The following NCF1 variants were observed in gnomAD, a reference collection of about 807,000 sequenced individuals.
NCF1 encodes the protein neutrophil cytosol factor 1.
A neutral mutation model predicts 34.9 loss-of-function variants in NCF1; 8 were observed. The ratio of observed to expected loss-of-function variants is 0.23; its 90% CI spans 0.13 to 0.41. The LOEUF (loss-of-function observed/expected upper bound fraction) is 0.41. NCF1 is among the 10% of genes least tolerant of loss of function. The pLI is 1.00. For missense variants in NCF1, 122 were observed against 362.4 expected (o/e 0.34, Z 5.39); for synonymous variants, 57 against 146.3 (o/e 0.39, Z 4.41).
In NCF1 at chr7:74,785,684, A is replaced by G. The variant is rs1248433623; in HGVS notation, c.800+385A>G. ...GATCATGTGAGGTCAGGAGTTCGAG[A>G]CCACCCTGGCCAACATGGCAAAACC... On this transcript the variant is annotated intron_variant, in intron 8 of 10. Coordinates refer to ENST00000289473, the MANE Select transcript of NCF1 (RefSeq NM_000265.7). 1.8e-5 allele frequency: 6 copies of G among 341,490 alleles called. No homozygotes were observed. The East Asian group carries it at 4.6e-4, about 26-fold the overall frequency. 21.2% of individuals were successfully genotyped at this position (341,490 alleles called of 1,614,324 possible).
At chr7:74,782,579 A>C (rs1554413885) in intron 5 of NCF1, among the ~76,000 whole-genome samples, 1 of 148,826 alleles carries the variant, frequency 6.7e-6, no homozygotes, top group African/African-American at 2.5e-5. Flanking sequence ...CCTTGTCTTT[A>C]CAAAAAATTA....
In NCF1 at chr7:74,783,042, C is replaced by T. The variant is rs369249526; in HGVS notation, c.555C>T (p.Val185=). 9.3e-6 allele frequency: 15 copies of T among 1,611,468 alleles called. 2 individuals are homozygous for T. Among genetic ancestry groups the T allele is most frequent in the Admixed American group, 3.3e-5 (2 of 59,978 alleles). ...TGTCCACGGGGGACGTGGTGGAGGT[C>T]GTAGAGAAGAGCGAGAGCGGTCAGA... ...MALSTGDVVE[V]VEKSESGWWF... The change falls in exon 6 of 11, where the codon GTC becomes GTT. Residue 185 remains valine (V), a synonymous_variant. Coordinates refer to ENST00000289473, the MANE Select transcript of NCF1 (RefSeq NM_000265.7).
chr7:74,782,921 C>CA lies in NCF1; in HGVS notation c.452-18_452-17insA. The CA allele has an allele frequency of 6.2e-7, 1 of 1,606,796 alleles. No homozygotes were observed. Among genetic ancestry groups the CA allele is most frequent in the Non-Finnish European group, 8.5e-7 (1 of 1,176,430 alleles). On this transcript the variant is annotated splice_polypyrimidine_tract_variant and intron_variant, in intron 5 of 10. Coordinates refer to ENST00000289473, the MANE Select transcript of NCF1 (RefSeq NM_000265.7). Reference sequence around the variant, plus strand: ...GGCCCTGCAATGCCCACTCACCCTGCCCTCCCTCTTGCCCCAGACATCACC... The same window carrying CA: ...GGCCCTGCAATGCCCACTCACCCTGCACCTCCCTCTTGCCCCAGACATCACC...
At chr7:74,787,446 T>A (rs1396186221) in intron 8 of NCF1, among the ~76,000 whole-genome samples, 1 of 152,068 alleles carries the variant, frequency 6.6e-6, no homozygotes, top group African/African-American at 2.4e-5. Flanking sequence ...GTCTTGGGGT[T>A]GGGCGGGGGA....
chr7:74,785,615 G>C (rs1554414440), intron 8 of NCF1: 4 of 363,930 alleles, frequency 1.1e-5, no homozygotes, highest in Non-Finnish European at 2.2e-5. Context: ...AGGCGCAATG[G>C]CTCAGGCCTG....
intron 2 of NCF1, 182 bp downstream of exon 2, chr7:74,777,529 A>G: frequency 1.4e-6 from 1 of 729,454 alleles, no homozygotes; most frequent in East Asian, 3.7e-5. Flanking sequence ...CACCACTCTG[A>G]ACACCTCATG....
intron 8 of NCF1, among the ~76,000 whole-genome samples, chr7:74,787,638 CA>C (rs1375884239): frequency 8.6e-5 from 13 of 150,864 alleles, no homozygotes; most frequent in African/African-American, 3.2e-4. Flanking sequence ...GGCTGATCTC[CA>C]ACTCCTGGCC....
At chr7:74,786,234 C>CAA (rs60312903) in intron 8 of NCF1, among the ~76,000 whole-genome samples, 5 of 36,908 alleles carry the variant, frequency 1.4e-4, no homozygotes, top group African/African-American at 1.8e-4. Flanking sequence ...GACCCTGTCT[C>CAA]AAAAAAAAAA....
At chr7:74,778,113 G>GT (rs1254300905) in intron 2 of NCF1, among the ~76,000 whole-genome samples, 6 of 72,850 alleles carry the variant, frequency 8.2e-5, no homozygotes, top group Non-Finnish European at 1.7e-4. Flanking sequence ...TGAGTTATCA[G>GT]TTTTTTTATA....
Position 74,788,705 on chromosome 7 carries a change from G to C in NCF1, c.1051+1G>C. On this transcript the variant is annotated splice_donor_variant, in intron 10 of 10. Transcript: ENST00000289473. LOFTEE classifies it high-confidence loss of function. The stretch of plus-strand genomic sequence containing the variant: ...CCGCAGAGCCCCGGGAGCCCGCTCG[G>C]TGAGTGCAGCGGGAGAGGGCAGGAA... The C allele has an allele frequency of 6.5e-7, 1 of 1,550,168 alleles. No individual in the cohort carries two copies. Among genetic ancestry groups the C allele is most frequent in the Non-Finnish European group, 8.7e-7 (1 of 1,155,572 alleles).
rs1796484155 is a variant in NCF1, at chr7:74,777,162, C to A, written c.73-105C>A. 5 of 926,136 alleles carry A rather than the reference C, an allele frequency of 5.4e-6. No homozygotes were observed. The Admixed American group carries it at 1.0e-4, about 19-fold the overall frequency. The allele number at this position is 926,136 out of a possible 1,614,324, so 57.4% of individuals were successfully genotyped here. On this transcript the variant is annotated intron_variant, in intron 1 of 10. Coordinates refer to ENST00000289473, the MANE Select transcript of NCF1 (RefSeq NM_000265.7). ...AGGACAACCGCAAAGATGGTCCTCA[C>A]CCCAATCCTCTGGGCTTCCTCCAGT...
chr7:74,781,780 G>T (rs1182995794), intron 5 of NCF1, among the ~76,000 whole-genome samples: 2 of 134,560 alleles, frequency 1.5e-5, no homozygotes, highest in Non-Finnish European at 3.2e-5. Context: ...CAACCCTCCT[G>T]CCTCAGCCTC....
chr7:74,777,223 C>T (rs1554413098), intron 1 of NCF1, 44 bp from the exon 2 acceptor site: 1 of 1,574,416 alleles, frequency 6.4e-7, no homozygotes, highest in Admixed American at 1.7e-5. Flanking sequence ...AGCAAAGCCT[C>T]TTTGGAGGCT....
intron 2 of NCF1, chr7:74,778,407 C>G (rs1554413281): frequency 2.2e-6 from 1 of 447,806 alleles, no homozygotes. Context: ...CAGGTTTGAG[C>G]CCCTGCACCT....
chr7:74,783,449 GTCCTCACCA>G, intron 6 of NCF1, 67 bp from the exon 7 acceptor site: 1 of 1,522,554 alleles, frequency 6.6e-7, no homozygotes, highest in African/African-American at 1.4e-5. Flanking sequence ...GTGTCCCTGT[GTCCTCACCA>G]TCCCTGATGG....
At chr7:74,785,914 C>G in intron 8 of NCF1, among the ~76,000 whole-genome samples, 1 of 131,244 alleles carries the variant, frequency 7.6e-6, no homozygotes, top group African/African-American at 2.8e-5. Context: ...AGATTACTTT[C>G]TTTTTATCAT....
In NCF1 at chr7:74,781,862, T is replaced by C. The variant is rs1175985524; in HGVS notation, c.451+1027T>C. On this transcript the variant is annotated intron_variant, in intron 5 of 10. Coordinates refer to ENST00000289473, the MANE Select transcript of NCF1 (RefSeq NM_000265.7). ...CTTCTTCTTATAAGGACACGAGGCCTGTTGGGTTAGGGCCCACTCTACTGA... is the reference window on the plus strand; with the variant it reads ...CTTCTTCTTATAAGGACACGAGGCCCGTTGGGTTAGGGCCCACTCTACTGA... Among the ~76,000 whole-genome samples the C allele has an allele frequency of 3.8e-4, 55 of 146,292 alleles. 2 individuals are homozygous for C. The Admixed American group carries it at 3.8e-3, about 10-fold the overall frequency.
At chr7:74,788,385 C>CT (rs1796710832) in intron 9 of NCF1, 174 bp from the exon 10 acceptor site, 3 of 513,520 alleles carry the variant, frequency 5.8e-6, no homozygotes, top group Non-Finnish European at 9.6e-6. Context: ...CCAGGCTCTG[C>CT]TGCAGGGCAA....
In NCF1 at chr7:74,783,639, C is replaced by T; in HGVS notation, c.682+7C>T. ...CCTGAGCCCAACTATGCAGGTGCCC[C>T]CTGCCCTCCGAGGCTGTAGGGGTGT... On this transcript the variant is annotated splice_region_variant and intron_variant, in intron 7 of 10. Coordinates refer to ENST00000289473, the MANE Select transcript of NCF1 (RefSeq NM_000265.7). 6.2e-7 allele frequency: 1 copy of T among 1,610,284 alleles called. No homozygotes were observed. Among genetic ancestry groups the T allele is most frequent in the Non-Finnish European group, 8.5e-7 (1 of 1,179,078 alleles).
Sources: gnomAD v4.1 joint callset for allele counts (sites outside exome capture counted in the v4.1 genomes callset) on GRCh38, gnomAD v4.1.1 for gene constraint, MANE v1.5 for transcripts, NCBI Gene and HGNC (gene_info 2026-07-23, HGNC 2026-07-21) for gene names.